CTNNA2: variants seen among roughly 807,000 people sequenced by gnomAD.
The protein encoded by CTNNA2 is catenin alpha 2.
Under a neutral mutation model 101.0 loss-of-function variants are expected in CTNNA2, and 42 were observed. That is an observed-to-expected ratio of 0.42 (90% CI 0.32 to 0.54). The LOEUF (loss-of-function observed/expected upper bound fraction) is 0.54. Among genes scored for constraint, CTNNA2 ranks in the 20% least tolerant of loss-of-function variants. The pLI is 0.14. For missense variants in CTNNA2, 871 were observed against 1,223.1 expected (o/e 0.71, Z 4.29); for synonymous variants, 450 against 456.4 (o/e 0.99, Z 0.18).
chr2:80,070,467 G>A (rs1043628645), intron 7 of CTNNA2, among the ~76,000 whole-genome samples: 5 of 152,062 alleles, frequency 3.3e-5, no homozygotes, highest in African/African-American at 1.2e-4. Flanking sequence ...CAGCACTTTG[G>A]GAGCTGAGGC....
chr2:80,587,634 A>G (rs1004182011), intron 14 of CTNNA2, among the ~76,000 whole-genome samples: 8 of 152,142 alleles, frequency 5.3e-5, no homozygotes, highest in Non-Finnish European at 1.0e-4. Flanking sequence ...TGATACCTCT[A>G]TTAGACCTTA....
At chr2:79,242,910 T>C (rs1674645270) in intron 2 of CTNNA2, among the ~76,000 whole-genome samples, 1 of 149,840 alleles carries the variant, frequency 6.7e-6, no homozygotes, top group African/African-American at 2.5e-5. Flanking sequence ...GAGGCTGCAA[T>C]GAGCTATGAT....
intron 7 of CTNNA2, among the ~76,000 whole-genome samples, chr2:79,987,467 T>C (rs1691849890): frequency 6.6e-6 from 1 of 152,182 alleles, no homozygotes; most frequent in Non-Finnish European, 1.5e-5. Flanking sequence ...TTCGAGAGTC[T>C]CAGTTTATTT....
At chr2:79,870,764 C>T (rs1418552323) in intron 5 of CTNNA2, among the ~76,000 whole-genome samples, 1 of 152,050 alleles carries the variant, frequency 6.6e-6, no homozygotes, top group African/African-American at 2.4e-5. Flanking sequence ...GGAAAACTGC[C>T]TTATAAAACC....
chr2:80,471,753 G>T (rs938783277), intron 9 of CTNNA2, among the ~76,000 whole-genome samples: 3 of 152,182 alleles, frequency 2.0e-5, no homozygotes, highest in Non-Finnish European at 2.9e-5. Context: ...AAAAGGAAGG[G>T]TGAGTAACAG....
intron 4 of CTNNA2, among the ~76,000 whole-genome samples, chr2:79,417,970 T>A (rs1182876335): frequency 6.6e-6 from 1 of 152,066 alleles, no homozygotes; most frequent in Non-Finnish European, 1.5e-5. Flanking sequence ...ATTATTCAAA[T>A]CAATATCAAA....
At chr2:79,984,584 A>T (rs1394886474) in intron 7 of CTNNA2, among the ~76,000 whole-genome samples, 1 of 152,224 alleles carries the variant, frequency 6.6e-6, no homozygotes, top group Non-Finnish European at 1.5e-5. Context: ...ACTTTAGGAA[A>T]TGCAACCGGG....
chr2:79,321,176 T>C (rs1170085028), intron 3 of CTNNA2, among the ~76,000 whole-genome samples: 2 of 152,194 alleles, frequency 1.3e-5, no homozygotes, highest in African/African-American at 4.8e-5. Context: ...GAGTTAGATG[T>C]TAATGAGATT....
intron 3 of CTNNA2, among the ~76,000 whole-genome samples, chr2:79,779,159 T>C (rs1158674972): frequency 6.6e-6 from 1 of 152,122 alleles, no homozygotes; most frequent in Non-Finnish European, 1.5e-5. Flanking sequence ...TTTGTGTGTC[T>C]TGTAATTTGA....
intron 7 of CTNNA2, among the ~76,000 whole-genome samples, chr2:80,231,648 C>A (rs1044533741): frequency 1.3e-5 from 2 of 152,096 alleles, no homozygotes; most frequent in African/African-American, 2.4e-5. Flanking sequence ...AAAAGAGAGA[C>A]CTTAAGAATG....
At chr2:79,409,496 C>A (rs912651017) in intron 4 of CTNNA2, among the ~76,000 whole-genome samples, 1 of 151,862 alleles carries the variant, frequency 6.6e-6, no homozygotes, top group Non-Finnish European at 1.5e-5. Context: ...AGGAAGGGAT[C>A]CAGTTTCACC....
At chr2:80,475,656 T>C (rs1045971313) in intron 9 of CTNNA2, among the ~76,000 whole-genome samples, 15 of 152,106 alleles carry the variant, frequency 9.9e-5, no homozygotes, top group African/African-American at 3.6e-4. Context: ...TTTGACATGA[T>C]GACTTTGTTC....
At chr2:79,862,769 T>C (rs7598118) in intron 4 of CTNNA2, among the ~76,000 whole-genome samples, 33,425 of 152,164 alleles carry the variant, frequency 0.22, 4,049 homozygotes, top group East Asian at 0.56. Flanking sequence ...GACATTAGCA[T>C]AGAGTGCAAT....
intron 1 of CTNNA2, among the ~76,000 whole-genome samples, chr2:79,572,198 C>G (rs1312804512): frequency 6.6e-6 from 1 of 152,116 alleles, no homozygotes; most frequent in Non-Finnish European, 1.5e-5. Context: ...TGAGCGATTT[C>G]TGTACGTCTT....
chr2:79,739,840 A>G (rs1671165310), intron 2 of CTNNA2, among the ~76,000 whole-genome samples: 1 of 152,206 alleles, frequency 6.6e-6, no homozygotes, highest in Middle Eastern at 3.2e-3. Flanking sequence ...CAGTTATGCA[A>G]AAGGTGACTG....
rs544232852 is a variant in CTNNA2 at position 80,160,595 on chromosome 2, C to A, written c.1057-232616C>A. 2.6e-5 allele frequency among the ~76,000 whole-genome samples: 4 copies of A among 152,244 alleles called. No individual in the cohort carries two copies. In the South Asian group the frequency reaches 8.3e-4, roughly 32 times the overall value. ...TAATTTCCATGTCAGGTGTTTATTA[C>A]TAGCATAAGAAATAGAATTATGTTT... On this transcript the variant is annotated intron_variant, in intron 7 of 18. Transcript: ENST00000402739.
At chr2:79,645,696 T>C (rs1022627244) in intron 1 of CTNNA2, among the ~76,000 whole-genome samples, 7 of 152,218 alleles carry the variant, frequency 4.6e-5, no homozygotes, top group African/African-American at 1.7e-4. Flanking sequence ...GTAGACAACA[T>C]TGCAAAGAAG....
chr2:79,763,205 AT>A (rs200435302), intron 3 of CTNNA2, among the ~76,000 whole-genome samples: 2,266 of 152,288 alleles, frequency 0.015, 58 homozygotes, highest in African/African-American at 0.052. Context: ...GCATTTCTAT[AT>A]GGTAAAATGA....
intron 3 of CTNNA2, among the ~76,000 whole-genome samples, chr2:79,764,484 T>C (rs13001342): frequency 0.17 from 25,644 of 152,208 alleles, 2,421 homozygotes; most frequent in Middle Eastern, 0.27. Context: ...TTGAAAACTA[T>C]AGGCCAAAAA....
Sources: gnomAD v4.1 joint callset for allele counts (sites outside exome capture counted in the v4.1 genomes callset) on GRCh38, gnomAD v4.1.1 for gene constraint, MANE v1.5 for transcripts, NCBI Gene and HGNC (gene_info 2026-07-23, HGNC 2026-07-21) for gene names.